Variants in KCNIP4 observed in about 807,000 individuals in gnomAD.
The protein encoded by KCNIP4 is Kv channel-interacting protein 4.
Under a neutral mutation model 34.0 loss-of-function variants are expected in KCNIP4, and 12 were observed. The observed-to-expected ratio is 0.35, with a 90% CI of 0.23 to 0.57. KCNIP4 has a LOEUF of 0.57. KCNIP4 is among the 20% of genes least tolerant of loss of function. The pLI is 0.83. For missense variants in KCNIP4, 238 were observed against 311.7 expected, an observed-to-expected ratio of 0.76 and a Z score of 1.78; for synonymous variants, 124 against 102.2, an observed-to-expected ratio of 1.21 and a Z score of -1.29.
intron 1 of KCNIP4, among the ~76,000 whole-genome samples, chr4:20,889,545 G>T (rs1376720244): frequency 6.6e-6 from 1 of 152,038 alleles, no homozygotes; most frequent in African/African-American, 2.4e-5. Context: ...GGGTGTCAGT[G>T]GAAGTCGTAA....
chr4:20,732,550 A>G (rs2149265228), intron 7 of KCNIP4, 131 bp downstream of exon 7: 9 of 672,664 alleles, frequency 1.3e-5, no homozygotes, highest in South Asian at 1.3e-4. Flanking sequence ...AATTAATAGG[A>G]TGCTAAATAC....
At chr4:21,484,028 C>T (rs1731692233) in intron 1 of KCNIP4, among the ~76,000 whole-genome samples, 1 of 151,752 alleles carries the variant, frequency 6.6e-6, no homozygotes, top group Non-Finnish European at 1.5e-5. Flanking sequence ...ATAGATTACC[C>T]AGTTGCAGGT....
chr4:21,677,538 T>C (rs946341132), intron 1 of KCNIP4, among the ~76,000 whole-genome samples: 1 of 152,050 alleles, frequency 6.6e-6, no homozygotes, highest in African/African-American at 2.4e-5. Context: ...GCCAATAGGG[T>C]TTCCTAAAGC....
chr4:20,816,070 G>A (rs761849974), intron 3 of KCNIP4, among the ~76,000 whole-genome samples: 8 of 151,874 alleles, frequency 5.3e-5, no homozygotes, highest in South Asian at 4.2e-4. Context: ...CCAACATGGC[G>A]AAACTCCGTC....
At chr4:21,749,497 C>A (rs1045851881) in intron 1 of KCNIP4, among the ~76,000 whole-genome samples, 59 of 152,268 alleles carry the variant, frequency 3.9e-4, no homozygotes, top group African/African-American at 1.4e-3. Context: ...CCCCACTTGA[C>A]ACCATTCCCA....
At chr4:21,155,764 A>G (rs1753098882) in intron 1 of KCNIP4, among the ~76,000 whole-genome samples, 1 of 152,188 alleles carries the variant, frequency 6.6e-6, no homozygotes, top group Admixed American at 6.5e-5. Flanking sequence ...GTAGGGGCAG[A>G]ATGAGTGGAC....
chr4:21,206,562 C>T (rs1756866984), intron 1 of KCNIP4, among the ~76,000 whole-genome samples: 1 of 152,168 alleles, frequency 6.6e-6, no homozygotes, highest in Admixed American at 6.5e-5. Flanking sequence ...GTGAGAAGAG[C>T]ATTAGACTGA....
chr4:21,260,470 C>A lies in KCNIP4; in HGVS notation c.62-377761G>T, dbSNP rs13128130. Among the ~76,000 whole-genome samples the A allele has an allele frequency of 5.9e-5, 9 of 151,926 alleles. No homozygotes were observed. In the South Asian group the frequency reaches 1.9e-3, roughly 32 times the overall value. ...AATGACATGCCCATGACGTAGTTTGCGAGAAAGGGAAAACACTTGGATGTA... is the reference window on the plus strand; with the variant it reads ...AATGACATGCCCATGACGTAGTTTGAGAGAAAGGGAAAACACTTGGATGTA... On this transcript the variant is annotated intron_variant, in intron 1 of 8. Transcript: ENST00000382152.
chr4:21,153,515 G>GTATA (rs59614946), intron 1 of KCNIP4, among the ~76,000 whole-genome samples: 2,707 of 140,774 alleles, frequency 0.019, 54 homozygotes, highest in East Asian at 0.085. Context: ...ATGTGTGTGT[G>GTATA]TATATATATA....
chr4:21,260,209 T>C (rs1437110664), intron 1 of KCNIP4, among the ~76,000 whole-genome samples: 1 of 152,172 alleles, frequency 6.6e-6, no homozygotes, highest in African/African-American at 2.4e-5. Flanking sequence ...CTTACTGTGC[T>C]TTCATAAAAG....
At chr4:21,922,798 G>A (rs1191866816) in intron 1 of KCNIP4, among the ~76,000 whole-genome samples, 1 of 152,214 alleles carries the variant, frequency 6.6e-6, no homozygotes. Flanking sequence ...AAATGAGTCA[G>A]AGGTTGAGCT....
At chr4:21,902,391 A>G (rs1727753881) in intron 1 of KCNIP4, among the ~76,000 whole-genome samples, 1 of 152,162 alleles carries the variant, frequency 6.6e-6, no homozygotes, top group Non-Finnish European at 1.5e-5. Context: ...GTCTAATAAA[A>G]TGAGAAAACA....
intron 1 of KCNIP4, among the ~76,000 whole-genome samples, chr4:20,988,688 T>C (rs1044210335): frequency 1.3e-5 from 2 of 152,232 alleles, no homozygotes; most frequent in Admixed American, 6.5e-5. Flanking sequence ...AATTTAAATG[T>C]AAGATTATTA....
intron 1 of KCNIP4, 63 bp from the exon 2 acceptor site, chr4:20,882,772 G>T: frequency 1.5e-6 from 2 of 1,319,614 alleles, no homozygotes; most frequent in South Asian, 1.2e-5. Flanking sequence ...CGTGCTGCAG[G>T]GTTTATCAGA....
intron 1 of KCNIP4, among the ~76,000 whole-genome samples, chr4:21,796,441 T>C (rs1720630251): frequency 6.6e-6 from 1 of 152,216 alleles, no homozygotes; most frequent in East Asian, 1.9e-4. Context: ...TCCTTCTCTG[T>C]CTGATCTCTG....
At chr4:21,699,560 G>A (rs1025301438) in intron 1 of KCNIP4, among the ~76,000 whole-genome samples, 1 of 152,122 alleles carries the variant, frequency 6.6e-6, no homozygotes, top group Admixed American at 6.5e-5. Context: ...ATTACAAGAA[G>A]GAACTGACCG....
chr4:20,880,811 A>G (rs1347202216), intron 2 of KCNIP4, among the ~76,000 whole-genome samples: 3 of 152,176 alleles, frequency 2.0e-5, no homozygotes, highest in African/African-American at 2.4e-5. Flanking sequence ...CAGCTTCAAT[A>G]TCATGTAGGA....
At chr4:20,990,947 C>G (rs948645213) in intron 1 of KCNIP4, among the ~76,000 whole-genome samples, 1 of 152,170 alleles carries the variant, frequency 6.6e-6, no homozygotes, top group East Asian at 1.9e-4. Context: ...TACCACGTGA[C>G]ACACAGTGTG....
intron 1 of KCNIP4, among the ~76,000 whole-genome samples, chr4:21,589,885 A>G (rs902621582): frequency 1.3e-5 from 2 of 152,026 alleles, no homozygotes; most frequent in African/African-American, 2.4e-5. Context: ...GAAGAATTAG[A>G]TTAATGAATT....
Sources: gnomAD v4.1 joint callset for allele counts (sites outside exome capture counted in the v4.1 genomes callset) on GRCh38, gnomAD v4.1.1 for gene constraint, MANE v1.5 for transcripts, NCBI Gene and HGNC (gene_info 2026-07-23, HGNC 2026-07-21) for gene names.